Variants in CFAP298 observed in about 807,000 individuals in gnomAD.
CFAP298 encodes the protein cilia- and flagella-associated protein 298.
In CFAP298, 38 loss-of-function variants were observed where a neutral mutation model predicts 41.0. That is an observed-to-expected ratio of 0.93 (90% CI 0.72 to 1.22). The LOEUF (loss-of-function observed/expected upper bound fraction) is 1.22. CFAP298 is among the 50% of genes most tolerant of loss of function. CFAP298 has a pLI of 0.00. For synonymous variants in CFAP298, 137 were observed against 135.3 expected, an observed-to-expected ratio of 1.01 and a Z score of -0.09; for missense variants, 348 against 360.3, an observed-to-expected ratio of 0.97 and a Z score of 0.28.
intron 3 of CFAP298, 39 bp downstream of exon 3, chr21:32,607,610 A>AAC: frequency 6.1e-6 from 8 of 1,310,720 alleles, no homozygotes; most frequent in Middle Eastern, 2.4e-4. Context: ...AAAAAAAAAA[A>AAC]ACCCAACAAG....
At chr21:32,604,479 G>A (rs1208537751) in intron 3 of CFAP298, 196 bp from the exon 4 acceptor site, 3 of 603,908 alleles carry the variant, frequency 5.0e-6, no homozygotes, top group Non-Finnish European at 8.8e-6. Context: ...AAAGCAGACG[G>A]TGAGCAGCAC....
At chr21:32,608,276 A>C (rs1045470956) in intron 2 of CFAP298, among the ~76,000 whole-genome samples, 2 of 152,018 alleles carry the variant, frequency 1.3e-5, no homozygotes, top group Non-Finnish European at 2.9e-5. Context: ...CCTAGGGAAA[A>C]TGGGGCAAGT....
At chr21:32,603,335 C>T (rs373458845) in intron 4 of CFAP298, 43 bp from the exon 5 acceptor site, 67 of 1,610,140 alleles carry the variant, frequency 4.2e-5, no homozygotes, top group Non-Finnish European at 5.5e-5. Flanking sequence ...TGTTCCCACC[C>T]AGGGGGCAGA....
In CFAP298 at chr21:32,600,834, A is replaced by G. The variant is rs958458991; in HGVS notation, c.*1029T>C. The stretch of plus-strand genomic sequence containing the variant: ...GGATCTGGATTTGTTTTCAGGATCT[A>G]TTCTCATGAAGGAGACTTGAGAAGC... On this transcript the variant is annotated 3_prime_UTR_variant, in exon 7 of 7. Coordinates refer to ENST00000290155, the MANE Select transcript of CFAP298 (RefSeq NM_021254.4). Among the ~76,000 whole-genome samples the G allele has an allele frequency of 6.6e-6, 1 of 152,350 alleles. No homozygotes were observed. The highest frequency in any genetic ancestry group is 1.9e-4 in the East Asian group (1 of 5,186).
intron 1 of CFAP298, 44 bp from the exon 2 acceptor site, chr21:32,610,049 T>G: frequency 2.6e-6 from 4 of 1,524,002 alleles, no homozygotes; most frequent in Non-Finnish European, 2.7e-6. Flanking sequence ...TAACACCTCA[T>G]ACCCCATTGG....
chr21:32,611,973 T>C lies in CFAP298; in HGVS notation c.139+132A>G, dbSNP rs191961566. The C allele has an allele frequency of 7.0e-6, 8 of 1,141,874 alleles. No individual in the cohort carries two copies. The Admixed American group carries it at 2.9e-4, about 42-fold the overall frequency. 70.7% of individuals were successfully genotyped at this position (1,141,874 alleles called of 1,614,324 possible). ...ATCTCCGGTTAACCCTAGTGTCCCG[T>C]TTCAACCCCGGCTGCTGCAAATCTC... On this transcript the variant is annotated intron_variant, in intron 1 of 6. Transcript: ENST00000290155.
At chr21:32,603,891 C>A (rs1034797576) in intron 4 of CFAP298, among the ~76,000 whole-genome samples, 1 of 152,174 alleles carries the variant, frequency 6.6e-6, no homozygotes, top group Non-Finnish European at 1.5e-5. Flanking sequence ...TCCTGATGAG[C>A]GGCCTCACAA....
rs2038712047 is a variant in CFAP298 at position 32,600,126 on chromosome 21, A to G, written c.*1737T>C. Among the ~76,000 whole-genome samples, 1 of 152,266 alleles carries G rather than the reference A, an allele frequency of 6.6e-6. No homozygotes were observed. Among genetic ancestry groups the G allele is most frequent in the African/African-American group, 2.4e-5 (1 of 41,472 alleles). On this transcript the variant is annotated 3_prime_UTR_variant, in exon 7 of 7. Coordinates refer to ENST00000290155, the MANE Select transcript of CFAP298 (RefSeq NM_021254.4). ...ACACGAACTATACACTGACAAAGAC[A>G]GGATGCTCCTGAAATAAAATCACAG...
chr21:32,603,087 A>T, intron 5 of CFAP298, 74 bp downstream of exon 5: 3 of 1,539,694 alleles, frequency 1.9e-6, no homozygotes, highest in Non-Finnish European at 2.7e-6. Flanking sequence ...AATCTTTCGG[A>T]TTCACTGTAC....
chr21:32,601,288 CTTTTTTT>C lies in CFAP298; in HGVS notation c.*568_*574del, dbSNP rs1158009254. Among the ~76,000 whole-genome samples, 327 of 92,292 alleles carry C rather than the reference CTTTTTTT, an allele frequency of 3.5e-3. No homozygotes were observed. Among genetic ancestry groups the C allele is most frequent in the African/African-American group, 0.014 (306 of 22,032 alleles). The allele number at this position is 92,292 out of a possible 152,430, so 60.5% of individuals were successfully genotyped here. ...CAATCAGGAAGAAAAAAAAGTGTAG[CTTTTTTT>C]TTTTTTTTTTTTTTTTTTGAGACAA... On this transcript the variant is annotated 3_prime_UTR_variant, in exon 7 of 7. Transcript: ENST00000290155.
intron 3 of CFAP298, among the ~76,000 whole-genome samples, chr21:32,606,767 G>A (rs994531943): frequency 2.6e-5 from 4 of 152,186 alleles, no homozygotes; most frequent in Non-Finnish European, 4.4e-5. Context: ...AGTTGAGAGC[G>A]GTAGCAACTA....
intron 3 of CFAP298, among the ~76,000 whole-genome samples, chr21:32,606,066 G>A: frequency 6.6e-6 from 1 of 152,214 alleles, no homozygotes; most frequent in East Asian, 1.9e-4. Flanking sequence ...ATGACACTGA[G>A]GATTTGCCCT....
chr21:32,603,283 T>C lies in CFAP298; in HGVS notation c.544A>G (p.Asn182Asp), dbSNP rs1222493098. The C allele has an allele frequency of 1.9e-6, 3 of 1,614,156 alleles. No homozygotes were observed. In the East Asian group the frequency reaches 6.7e-5, roughly 36 times the overall value. Reference protein sequence around the residue: ...EDLSGTQAGLNVIKEAEAQLW... With the variant: ...EDLSGTQAGLDVIKEAEAQLW... ...TGCGCCTCTGCCTCTTTAATGACGT[T>C]GAGCCCTGCCTGGGGCCAGTCGTAA... Residue 182 changes from asparagine to aspartate, a missense_variant, in exon 5 of 7, where the codon AAC (asparagine) becomes GAC (aspartate). Asn to Asp is a conservative substitution (Grantham distance 23). Coordinates refer to ENST00000290155, the MANE Select transcript of CFAP298 (RefSeq NM_021254.4).
In CFAP298 at chr21:32,609,822, A is replaced by G; in HGVS notation, c.307+16T>C. 6.2e-7 allele frequency: 1 copy of G among 1,609,092 alleles called. No individual in the cohort carries two copies. Among genetic ancestry groups the G allele is most frequent in the Non-Finnish European group, 8.5e-7 (1 of 1,176,776 alleles). On this transcript the variant is annotated intron_variant, in intron 2 of 6. Transcript: ENST00000290155. The stretch of plus-strand genomic sequence containing the variant: ...CCTGTATCAAGCATGCACATAGAAG[A>G]GAAATCCTCACTTACCTTGCCCATT...
rs2038749361 is a variant in CFAP298 at position 32,601,917 on chromosome 21, A to C, written c.819T>G (p.Thr273=). Residue 273 remains threonine, a synonymous_variant, in exon 7 of 7, where the codon ACT becomes ACG. Coordinates refer to ENST00000290155, the MANE Select transcript of CFAP298 (RefSeq NM_021254.4). ...AYLNSPWADN[T]ALKRHFHGVK... is the part of the protein sequence containing the mutation. ...CTCCATGAAAATGTCTTTTCAAAGC[A>C]GTGTTATCCGCCCATGGTGAGTTTA... 6.2e-7 allele frequency: 1 copy of C among 1,613,566 alleles called. No individual in the cohort carries two copies. The highest frequency in any genetic ancestry group is 2.2e-5 in the East Asian group (1 of 44,872).
chr21:32,607,719 A>G lies in CFAP298; in HGVS notation c.308-3T>C. The G allele has an allele frequency of 6.4e-7, 1 of 1,568,502 alleles. No homozygotes were observed. The highest frequency in any genetic ancestry group is 8.7e-7 in the Non-Finnish European group (1 of 1,145,836). ...TTGCTTCATCTTCTCATTTGGAGCTATAAAAATAAAAAGGAGAGAGGGAGA... is the reference window on the plus strand; with the variant it reads ...TTGCTTCATCTTCTCATTTGGAGCTGTAAAAATAAAAAGGAGAGAGGGAGA... On this transcript the variant is annotated splice_region_variant and splice_polypyrimidine_tract_variant and intron_variant, in intron 2 of 6. Coordinates refer to ENST00000290155, the MANE Select transcript of CFAP298 (RefSeq NM_021254.4).
chr21:32,608,606 G>A (rs2038920646), intron 2 of CFAP298, among the ~76,000 whole-genome samples: 3 of 142,018 alleles, frequency 2.1e-5, no homozygotes, highest in Admixed American at 7.4e-5. Context: ...GCAGTGAGCC[G>A]AGATTGTGCC....
At chr21:32,609,372 A>G (rs2038938990) in intron 2 of CFAP298, among the ~76,000 whole-genome samples, 1 of 152,242 alleles carries the variant, frequency 6.6e-6, no homozygotes, top group African/African-American at 2.4e-5. Flanking sequence ...AGAGCAAGAC[A>G]AAAGCTTCCT....
rs554047811 is a variant in CFAP298 at position 32,601,706 on chromosome 21, G to A, written c.*157C>T. The A allele has an allele frequency of 5.3e-6, 3 of 564,828 alleles. No individual in the cohort carries two copies. The African/African-American group carries it at 5.6e-5, about 11-fold the overall frequency. 35.0% of individuals were successfully genotyped at this position (564,828 alleles called of 1,614,324 possible). ...GGTATTTATTAAGTTCTAAAACCTT[G>A]AATAACTGCTATTTTAAAAATTCAC... is the stretch of plus-strand genomic sequence containing the variant. On this transcript the variant is annotated 3_prime_UTR_variant, in exon 7 of 7. Coordinates refer to ENST00000290155, the MANE Select transcript of CFAP298 (RefSeq NM_021254.4).
Sources: allele counts gnomAD v4.1 joint callset (sites outside exome capture counted in the v4.1 genomes callset), GRCh38; gene constraint gnomAD v4.1.1; transcripts MANE v1.5; gene names NCBI Gene and HGNC (gene_info 2026-07-23, HGNC 2026-07-21).